The following USP15 variants were observed in gnomAD, a reference collection of about 807,000 sequenced individuals.
USP15 encodes the protein ubiquitin carboxyl-terminal hydrolase 15.
Under a neutral mutation model 127.1 loss-of-function variants are expected in USP15, and 18 were observed. That is an observed-to-expected ratio of 0.14 (90% CI 0.10 to 0.21). USP15 has a LOEUF of 0.21. USP15 is among the 10% of genes least tolerant of loss of function. The pLI, the probability that USP15 is intolerant of heterozygous loss-of-function variation, is 1.00. For synonymous variants in USP15, 364 were observed against 393.7 expected, an observed-to-expected ratio of 0.92 and a Z score of 0.89; for missense variants, 805 against 1,159.9, an observed-to-expected ratio of 0.69 and a Z score of 4.44.
At chr12:62,266,945 A>G (rs568217917) in intron 1 of USP15, among the ~76,000 whole-genome samples, 2 of 152,236 alleles carry the variant, frequency 1.3e-5, no homozygotes, top group South Asian at 4.1e-4. Context: ...CCTGGTTTAT[A>G]AAGATTTAAA....
intron 8 of USP15, 117 bp from the exon 9 acceptor site, chr12:62,381,373 C>T (rs2066985005): frequency 2.4e-6 from 2 of 831,530 alleles, no homozygotes; most frequent in Admixed American, 3.1e-5. Context: ...AAGAAACCAT[C>T]ATTTAAATGT....
chr12:62,399,458 G>A (rs985739721), intron 20 of USP15, among the ~76,000 whole-genome samples: 23 of 152,136 alleles, frequency 1.5e-4, no homozygotes, highest in African/African-American at 5.3e-4. Context: ...TCTGATTCAG[G>A]TAGCCTGAGT....
At chr12:62,337,797 C>G (rs1212552249) in intron 6 of USP15, among the ~76,000 whole-genome samples, 2 of 152,114 alleles carry the variant, frequency 1.3e-5, no homozygotes, top group Non-Finnish European at 2.9e-5. Context: ...CATGTCCCTG[C>G]AAAGGACATG....
intron 5 of USP15, 131 bp from the exon 6 acceptor site, chr12:62,325,741 C>T: frequency 1.5e-6 from 1 of 660,956 alleles, no homozygotes; most frequent in Non-Finnish European, 2.4e-6. Flanking sequence ...ATTACCTGTT[C>T]ACCTTGTCTA....
chr12:62,392,050 C>G (rs990586974), intron 17 of USP15, among the ~76,000 whole-genome samples, 164 bp downstream of exon 17: 5 of 151,678 alleles, frequency 3.3e-5, no homozygotes, highest in African/African-American at 1.2e-4. Flanking sequence ...TGCAAAAATA[C>G]CTTTTTTTTT....
At position 62,355,404 on chromosome 12, in the gene USP15, A is replaced by C. The variant is rs377237349; in HGVS notation, c.844A>C (p.Asn282His). ...CTATGATTATTCGGAACCTGGAAGA[A>C]ACAATGAACAGCCAGGCCTCTGTGG... ...KNYDYSEPGR[N>H]NEQPGLCGLS... Residue 282 changes from asparagine (N) to histidine (H), a missense_variant, in exon 8 of 22, where the codon AAC (asparagine) becomes CAC (histidine). Around this residue, in one of 11 missense-constraint regions of USP15, gnomAD observed 84 missense variants for 107.7 expected, o/e 0.78. Coordinates refer to ENST00000280377, the MANE Select transcript of USP15 (RefSeq NM_001252078.2). 1 of 1,611,472 alleles carries C rather than the reference A, an allele frequency of 6.2e-7. No individual in the cohort carries two copies. The highest frequency in any genetic ancestry group is 8.5e-7 in the Non-Finnish European group (1 of 1,178,456).
At chr12:62,276,984 CACTG>C (rs1239458212) in intron 1 of USP15, among the ~76,000 whole-genome samples, 3 of 152,058 alleles carry the variant, frequency 2.0e-5, no homozygotes, top group Non-Finnish European at 4.4e-5. Flanking sequence ...TGTTGACTGT[CACTG>C]AACACTATCA....
intron 20 of USP15, among the ~76,000 whole-genome samples, chr12:62,400,741 C>T (rs940390415): frequency 4.6e-5 from 7 of 151,920 alleles, no homozygotes; most frequent in African/African-American, 1.5e-4. Context: ...TAAATCCTAA[C>T]TGCTAGCTAA....
chr12:62,327,608 T>G, intron 6 of USP15: 2 of 434,574 alleles, frequency 4.6e-6, no homozygotes, highest in South Asian at 3.3e-5. Flanking sequence ...TTAAAATGAC[T>G]GATTTTTGCC....
intron 1 of USP15, among the ~76,000 whole-genome samples, chr12:62,288,411 T>C (rs930977966): frequency 1.2e-4 from 18 of 150,304 alleles, no homozygotes; most frequent in Non-Finnish European, 2.2e-4. Context: ...CTCAGCTCGA[T>C]TGTTACTAGT....
At chr12:62,366,797 A>G (rs572185334) in intron 8 of USP15, among the ~76,000 whole-genome samples, 3 of 152,282 alleles carry the variant, frequency 2.0e-5, no homozygotes, top group East Asian at 1.9e-4. Context: ...TTCTGCATCT[A>G]TTGAGATATT....
intron 2 of USP15, among the ~76,000 whole-genome samples, chr12:62,298,775 G>A (rs2137175105): frequency 6.8e-6 from 1 of 146,414 alleles, no homozygotes; most frequent in Admixed American, 7.1e-5. Flanking sequence ...GTTGTATGGA[G>A]CCGAGATTGT....
chr12:62,349,098 T>C, intron 6 of USP15, 123 bp from the exon 7 acceptor site: 1 of 523,934 alleles, frequency 1.9e-6, no homozygotes, highest in Non-Finnish European at 3.1e-6. Context: ...ATAGTGATTT[T>C]GCTCATAAAT....
intron 6 of USP15, among the ~76,000 whole-genome samples, chr12:62,328,588 T>C (rs1211067023): frequency 6.6e-6 from 1 of 152,206 alleles, no homozygotes; most frequent in Non-Finnish European, 1.5e-5. Context: ...TTATGTGATA[T>C]ATGGCTTAAC....
chr12:62,288,547 A>G (rs2063851449), intron 1 of USP15, among the ~76,000 whole-genome samples: 2 of 152,106 alleles, frequency 1.3e-5, no homozygotes, highest in African/African-American at 4.8e-5. Flanking sequence ...TTGTCAGCAA[A>G]CAGAGATAAC....
At chr12:62,330,363 C>G (rs1334815853) in intron 6 of USP15, among the ~76,000 whole-genome samples, 2 of 148,732 alleles carry the variant, frequency 1.3e-5, no homozygotes. Context: ...CCGAGGCAGG[C>G]AGATCATTTG....
In USP15 at chr12:62,411,847, G is replaced by A. The variant is rs1043541819; in HGVS notation, c.*7472G>A. On this transcript the variant is annotated 3_prime_UTR_variant, in exon 22 of 22. Transcript: ENST00000280377. ...CATGGTAGCAGAGGAGGGTCAGAGA[G>A]GAGAGCAAGCTCTGAGGCATCTCTT... is the stretch of plus-strand genomic sequence containing the variant. 6.6e-6 allele frequency: 1 copy of A among 152,230 alleles called. No individual in the cohort carries two copies. Among genetic ancestry groups the A allele is most frequent in the African/African-American group, 2.4e-5 (1 of 41,444 alleles). 9.4% of individuals were successfully genotyped at this position (152,230 alleles called of 1,614,324 possible). A position where few individuals can be genotyped will look rare whatever the true frequency, so the allele number is the denominator to read the frequency against.
At chr12:62,342,197 G>A (rs116909357) in intron 6 of USP15, among the ~76,000 whole-genome samples, 80 of 151,842 alleles carry the variant, frequency 5.3e-4, no homozygotes, top group Non-Finnish European at 9.9e-4. Flanking sequence ...CCGCTTGATC[G>A]ATTGAGCTAT....
chr12:62,358,827 T>C (rs1027810366), intron 8 of USP15, among the ~76,000 whole-genome samples: 3 of 152,138 alleles, frequency 2.0e-5, no homozygotes, highest in African/African-American at 7.2e-5. Flanking sequence ...AATCTAGAGA[T>C]GATTTAAAGT....
Sources: allele counts gnomAD v4.1 joint callset (sites outside exome capture counted in the v4.1 genomes callset), GRCh38; gene constraint gnomAD v4.1.1; regional missense constraint gnomAD v4.1.1; transcripts MANE v1.5; gene names NCBI Gene and HGNC (gene_info 2026-07-23, HGNC 2026-07-21).